Variants in RSPO1 observed in about 807,000 individuals in gnomAD.
RSPO1 encodes the protein R-spondin-1.
Under a neutral mutation model 26.0 loss-of-function variants are expected in RSPO1, and 18 were observed. The observed-to-expected ratio is 0.69, with a 90% CI of 0.48 to 1.03. The LOEUF (loss-of-function observed/expected upper bound fraction) is 1.03, where lower values mean the gene tolerates loss of function less well. Among genes scored for constraint, RSPO1 ranks in the 50% least tolerant of loss-of-function variants. The pLI is 0.00. For missense variants in RSPO1, 309 were observed against 352.3 expected (o/e 0.88, Z 0.98); for synonymous variants, 133 against 137.4 (o/e 0.97, Z 0.22).
rs74065182 is a variant in RSPO1, at chr1:37,624,695, C to T, written c.94+4873G>A. Among the ~76,000 whole-genome samples the T allele has an allele frequency of 4.5e-3, 682 of 152,292 alleles. 4 individuals are homozygous for T. Among genetic ancestry groups the T allele is most frequent in the African/African-American group, 0.016 (659 of 41,540 alleles). The stretch of plus-strand genomic sequence containing the variant: ...GATCGCTGCCCCTCCCCGCTAGGGG[C>T]TTCACTTCTTCCAGTTCCCAATTTC... On this transcript the variant is annotated intron_variant, in intron 3 of 6. Coordinates refer to ENST00000356545, the MANE Select transcript of RSPO1 (RefSeq NM_001242908.2).
chr1:37,620,127 G>A (rs192521463), intron 3 of RSPO1, among the ~76,000 whole-genome samples: 47 of 152,342 alleles, frequency 3.1e-4, no homozygotes, highest in African/African-American at 1.1e-3. Flanking sequence ...ATGTGTTTCA[G>A]GCAGAGCAGA....
Position 37,634,278 on chromosome 1 carries a change from T to A in RSPO1, c.-356+288A>T, listed in dbSNP as rs72659434. On this transcript the variant is annotated intron_variant, in intron 1 of 6. Coordinates refer to ENST00000356545, the MANE Select transcript of RSPO1 (RefSeq NM_001242908.2). This position sits in a 1 kb window ranked among gnomAD's most constrained non-coding sequence, Gnocchi z 4.7. Reference sequence around the variant, plus strand: ...AACAGGGCTGGTGGACTTGGGGAATTCAGGACTGCGAGTGAGGATGATCAC... The same window carrying A: ...AACAGGGCTGGTGGACTTGGGGAATACAGGACTGCGAGTGAGGATGATCAC... Among the ~76,000 whole-genome samples, 8 of 152,198 alleles carry A rather than the reference T, an allele frequency of 5.3e-5. No individual in the cohort carries two copies. The highest frequency in any genetic ancestry group is 1.2e-4 in the Non-Finnish European group (8 of 67,994).
At chr1:37,633,649 C>T (rs1294905082) in intron 1 of RSPO1, among the ~76,000 whole-genome samples, 2 of 149,418 alleles carry the variant, frequency 1.3e-5, no homozygotes, top group African/African-American at 4.9e-5. Flanking sequence ...CAGGCGGGGG[C>T]AGAAGAATTG....
In RSPO1 at chr1:37,621,802, GT is replaced by G. The variant is rs112427832; in HGVS notation, c.95-5128del. Among the ~76,000 whole-genome samples, 1,082 of 140,440 alleles carry G rather than the reference GT, an allele frequency of 7.7e-3. 4 individuals are homozygous for G. Among genetic ancestry groups the G allele is most frequent in the African/African-American group, 0.021 (812 of 38,396 alleles). The allele number at this position is 140,440 out of a possible 152,430, so 92.1% of individuals were successfully genotyped here. Reference sequence around the variant, plus strand: ...CTTTTTTCTTTTTTTTCTTTTAAGAGTTTTTTTTTTTTTTTAAGAGATGAGA... The same window carrying G: ...CTTTTTTCTTTTTTTTCTTTTAAGAGTTTTTTTTTTTTTTAAGAGATGAGA... On this transcript the variant is annotated intron_variant, in intron 3 of 6. Coordinates refer to ENST00000356545, the MANE Select transcript of RSPO1 (RefSeq NM_001242908.2).
At position 37,626,074 on chromosome 1, in the gene RSPO1, C is replaced by T. The variant is rs78720838; in HGVS notation, c.94+3494G>A. Among the ~76,000 whole-genome samples, 577 of 152,260 alleles carry T rather than the reference C, an allele frequency of 3.8e-3. 2 individuals carry two copies. The highest frequency in any genetic ancestry group is 0.013 in the African/African-American group (544 of 41,558). On this transcript the variant is annotated intron_variant, in intron 3 of 6. Transcript: ENST00000356545. ...TTCCCGCCTCAAGCCACCTCCCCCACCCTCTATGCAGCTGGGCTCTGGGCT... is the reference window on the plus strand; with the variant it reads ...TTCCCGCCTCAAGCCACCTCCCCCATCCTCTATGCAGCTGGGCTCTGGGCT...
chr1:37,616,762 C>T (rs903663458), intron 3 of RSPO1, 87 bp from the exon 4 acceptor site: 21 of 1,226,602 alleles, frequency 1.7e-5, no homozygotes, highest in South Asian at 2.4e-5. Flanking sequence ...GTGAATAGAT[C>T]GATGTTTCCT....
At chr1:37,625,862 G>A (rs112396996) in intron 3 of RSPO1, among the ~76,000 whole-genome samples, 61 of 152,146 alleles carry the variant, frequency 4.0e-4, no homozygotes, top group African/African-American at 1.4e-3. Flanking sequence ...TATTTTTAGT[G>A]GAGACAAGCT....
At chr1:37,626,043 G>C (rs954389681) in intron 3 of RSPO1, among the ~76,000 whole-genome samples, 3 of 152,100 alleles carry the variant, frequency 2.0e-5, no homozygotes, top group African/African-American at 7.2e-5. Context: ...TACCTGGGCT[G>C]TTTGCTTCCC....
At chr1:37,620,969 C>G (rs984499247) in intron 3 of RSPO1, among the ~76,000 whole-genome samples, 1 of 152,328 alleles carries the variant, frequency 6.6e-6, no homozygotes, top group South Asian at 2.1e-4. Context: ...GCAGCCCTCT[C>G]AAGCGATGCT....
chr1:37,622,140 A>C (rs904996975), intron 3 of RSPO1, among the ~76,000 whole-genome samples: 4 of 152,204 alleles, frequency 2.6e-5, no homozygotes, highest in Non-Finnish European at 4.4e-5. Flanking sequence ...GGCAGGAGAC[A>C]CTGAGAAGTA....
chr1:37,614,016 G>T (rs1025158538), intron 5 of RSPO1, 124 bp from the exon 6 acceptor site: 3 of 1,335,848 alleles, frequency 2.2e-6, no homozygotes, highest in Non-Finnish European at 3.2e-6. Context: ...GAGGCTGCAG[G>T]TATCTTTAGT....
At position 37,629,587 on chromosome 1, in the gene RSPO1, C is replaced by T. The variant is rs775741997; in HGVS notation, c.75G>A (p.Lys25=). 1 of 1,614,202 alleles carries T rather than the reference C, an allele frequency of 6.2e-7. No individual in the cohort carries two copies. Among genetic ancestry groups the T allele is most frequent in the Non-Finnish European group, 8.5e-7 (1 of 1,180,050 alleles). Residue 25 remains lysine (K), a synonymous_variant, in exon 3 of 7, where the codon AAG becomes AAA. Transcript: ENST00000356545. ...THLTISSRGI[K]GKRQRRISAE... is the part of the protein sequence containing the mutation. ...ACTCACTCCGCCTCTGCCTTTTCCC[C>T]TTGATCCCCCGGCTGCTGATGGTGA... is the stretch of plus-strand genomic sequence containing the variant.
At chr1:37,614,672 T>A (rs1242702861) in intron 4 of RSPO1, among the ~76,000 whole-genome samples, 4 of 151,968 alleles carry the variant, frequency 2.6e-5, no homozygotes, top group Non-Finnish European at 5.9e-5. Flanking sequence ...CGTCTGGGCC[T>A]GGTGGGGGTG....
chr1:37,632,586 C>T (rs149969086), intron 1 of RSPO1, among the ~76,000 whole-genome samples: 269 of 152,316 alleles, frequency 1.8e-3, no homozygotes, highest in Non-Finnish European at 3.2e-3. Context: ...CTAAAGGGAG[C>T]ATATGCCGTT....
chr1:37,612,672 C>A lies in RSPO1; in HGVS notation c.*83G>T. The A allele has an allele frequency of 6.8e-7, 1 of 1,470,306 alleles. No homozygotes were observed. Among genetic ancestry groups the A allele is most frequent in the South Asian group, 1.1e-5 (1 of 88,336 alleles). 91.1% of individuals were successfully genotyped at this position (1,470,306 alleles called of 1,614,324 possible). ...GGAGTGTGTGTGTATGCTTTGCCCC[C>A]GACGTTCCAGTTCAGGAAAGCTTGA... On this transcript the variant is annotated 3_prime_UTR_variant, in exon 7 of 7. Transcript: ENST00000356545.
chr1:37,628,227 G>A (rs962026449), intron 3 of RSPO1, among the ~76,000 whole-genome samples: 15 of 152,166 alleles, frequency 9.9e-5, no homozygotes, highest in East Asian at 5.8e-4. Flanking sequence ...AGAGGAGACC[G>A]ATTATAAACC....
chr1:37,628,918 A>G (rs1644317169), intron 3 of RSPO1, among the ~76,000 whole-genome samples: 1 of 152,228 alleles, frequency 6.6e-6, no homozygotes. Flanking sequence ...GTGGATGCTC[A>G]TTACCAAAAG....
chr1:37,623,765 T>G (rs1210759847), intron 3 of RSPO1, among the ~76,000 whole-genome samples: 5 of 150,716 alleles, frequency 3.3e-5, no homozygotes, highest in African/African-American at 4.9e-5. Flanking sequence ...TCCCTCTCTT[T>G]TTTTTTTTTT....
chr1:37,622,971 G>A (rs1644224647), intron 3 of RSPO1, among the ~76,000 whole-genome samples: 1 of 152,082 alleles, frequency 6.6e-6, no homozygotes, highest in Non-Finnish European at 1.5e-5. Flanking sequence ...AAGACTCAGA[G>A]GCAGGGGACA....
Sources: allele counts gnomAD v4.1 joint callset (sites outside exome capture counted in the v4.1 genomes callset), GRCh38; gene constraint gnomAD v4.1.1; non-coding constraint Gnocchi (gnomAD v3.1); transcripts MANE v1.5; gene names NCBI Gene and HGNC (gene_info 2026-07-23, HGNC 2026-07-21).